GNAS: variants seen among roughly 807,000 people sequenced by gnomAD.
The protein encoded by GNAS is protein ALEX.
In GNAS, 8 loss-of-function variants were observed where a neutral mutation model predicts 54.5. That is an observed-to-expected ratio of 0.15 (90% CI 0.09 to 0.26). The LOEUF is 0.26. GNAS is among the 10% of genes least tolerant of loss of function. The probability of loss-of-function intolerance (pLI) is 1.00; values close to 1 mark genes in which losing one functional copy is unlikely to be tolerated. For synonymous variants in GNAS, 204 were observed against 191.4 expected (o/e 1.07, Z -0.54); for missense variants, 170 against 529.8 (o/e 0.32, Z 6.67).
In GNAS at chr20:58,891,611, C is replaced by G. The variant is rs1600971262; in HGVS notation, c.-116C>G. ...CCCCGCGCGCTCCTTGCCGAGGAGC[C>G]GAGCCCGCGCCCGGCCCGCCCGCCC... On this transcript the variant is annotated 5_prime_UTR_variant, in exon 1 of 13. Transcript: ENST00000371085. The G allele has an allele frequency of 2.1e-6, 2 of 971,016 alleles. No individual in the cohort carries two copies. Among genetic ancestry groups the G allele is most frequent in the Non-Finnish European group, 2.4e-6 (2 of 822,554 alleles). 60.2% of individuals were successfully genotyped at this position (971,016 alleles called of 1,614,324 possible).
intron 1 of GNAS, chr20:58,854,583 G>A: frequency 6.4e-7 from 1 of 1,557,088 alleles, no homozygotes; most frequent in Non-Finnish European, 8.6e-7. Context: ...CGCCCCAGCC[G>A]ATCCCGACTC....
chr20:58,907,335 GC>G (rs1244315648), intron 6 of GNAS, among the ~76,000 whole-genome samples: 1 of 152,074 alleles, frequency 6.6e-6, no homozygotes, highest in Non-Finnish European at 1.5e-5. Flanking sequence ...GGTCCCTATG[GC>G]CCCCAGCCCC....
intron 2 of GNAS, 189 bp from the exon 3 acceptor site, chr20:58,898,752 C>CA: frequency 4.4e-6 from 3 of 678,072 alleles, no homozygotes; most frequent in Non-Finnish European, 8.1e-6. Context: ...CCATGGCCTG[C>CA]AGTCTCAGTG....
At chr20:58,884,803 C>T (rs564806671) in intron 1 of GNAS, 17 of 152,338 alleles carry the variant, frequency 1.1e-4, no homozygotes, top group Non-Finnish European at 2.1e-4. Flanking sequence ...CAATTAAGAG[C>T]TCCATTAAGT....
chr20:58,845,905 C>A (rs978876368), intron 1 of GNAS, among the ~76,000 whole-genome samples: 1 of 152,188 alleles, frequency 6.6e-6, no homozygotes, highest in African/African-American at 2.4e-5. Flanking sequence ...AATGGGGAGG[C>A]TGCCTTCCCA....
intron 1 of GNAS, among the ~76,000 whole-genome samples, chr20:58,851,677 C>T (rs932545624): frequency 2.0e-5 from 3 of 152,378 alleles, no homozygotes; most frequent in African/African-American, 4.8e-5. Flanking sequence ...GAGCTCACCG[C>T]AGCATGGTAG....
chr20:58,898,615 G>A, intron 2 of GNAS: 1 of 443,770 alleles, frequency 2.3e-6, no homozygotes, highest in East Asian at 3.8e-5. Context: ...ATAAATCACT[G>A]CTTTAGCTCC....
intron 1 of GNAS, chr20:58,854,496 C>T: frequency 6.3e-7 from 1 of 1,578,862 alleles, no homozygotes; most frequent in Admixed American, 1.8e-5. Flanking sequence ...CCCAGAAGAT[C>T]CCGACTCCGG....
chr20:58,895,161 C>T (rs921025638), intron 1 of GNAS: 18 of 255,674 alleles, frequency 7.0e-5, no homozygotes, highest in Non-Finnish European at 1.2e-4. Flanking sequence ...GTTGGGAATC[C>T]CGGGTATTTT....
intron 1 of GNAS, chr20:58,842,353 T>A (rs2085771938): frequency 2.5e-6 from 1 of 397,966 alleles, no homozygotes. Flanking sequence ...GGAGGAATAG[T>A]AAAGCGTTTT....
rs74897360 is a variant in GNAS, at chr20:58,855,063, C to T, written c.43+14177C>T. 7.4e-6 allele frequency: 12 copies of T among 1,613,052 alleles called. No individual in the cohort carries two copies. The highest frequency in any genetic ancestry group is 5.3e-5 in the African/African-American group (4 of 74,954). On this transcript the variant is annotated intron_variant, in intron 1 of 12. Transcript: ENST00000306090. ...GTTTCAGCATCGGCGAAATCGCCGC[C>T]GCCGAAAGCCCCAGCGCAACTTACT... is the stretch of plus-strand genomic sequence containing the variant.
rs111984284 is a variant in GNAS at position 58,902,589 on chromosome 20, C to A, written c.258-942C>A. Among the ~76,000 whole-genome samples, 914 of 152,136 alleles carry A rather than the reference C, an allele frequency of 6.0e-3. 17 individuals are homozygous for A. The highest frequency in any genetic ancestry group is 0.021 in the African/African-American group (872 of 41,498). Reference sequence around the variant, plus strand: ...TTACCAGAGGGATCTGACCTCCCCTCCCCCTTAGATTATAAGGCCTTCTAG... The same window carrying A: ...TTACCAGAGGGATCTGACCTCCCCTACCCCTTAGATTATAAGGCCTTCTAG... On this transcript the variant is annotated intron_variant, in intron 3 of 12. Coordinates refer to ENST00000371085, the MANE Select transcript of GNAS (RefSeq NM_000516.7).
chr20:58,909,011 A>G lies in GNAS; in HGVS notation c.531-151A>G. 1 of 772,198 alleles carries G rather than the reference A, an allele frequency of 1.3e-6. No individual in the cohort carries two copies. Among genetic ancestry groups the G allele is most frequent in the Non-Finnish European group, 2.4e-6 (1 of 421,226 alleles). 47.8% of individuals were successfully genotyped at this position (772,198 alleles called of 1,614,324 possible). On this transcript the variant is annotated intron_variant, in intron 6 of 12. Transcript: ENST00000371085. The surrounding 1 kb of genome is among the most constrained non-coding windows in gnomAD (Gnocchi z 7.3). ...GCATCAGCTTTGAGTTACAAATGTA[A>G]CCAACACACAAGCAAATGTGCCATT...
chr20:58,910,306 C>G lies in GNAS; in HGVS notation c.971-28C>G, dbSNP rs200024794. 2 of 1,547,714 alleles carry G rather than the reference C, an allele frequency of 1.3e-6. No individual in the cohort carries two copies. Among genetic ancestry groups the G allele is most frequent in the Non-Finnish European group, 1.8e-6 (2 of 1,119,464 alleles). On this transcript the variant is annotated intron_variant, in intron 11 of 12. Coordinates refer to ENST00000371085, the MANE Select transcript of GNAS (RefSeq NM_000516.7). This position sits in a 1 kb window ranked among gnomAD's most constrained non-coding sequence, Gnocchi z 5.8. Reference sequence around the variant, plus strand: ...CCAGCTCTGCTTGAATTTTAAATTACATTAATATGTATTCCCTTTTTATAT... The same window carrying G: ...CCAGCTCTGCTTGAATTTTAAATTAGATTAATATGTATTCCCTTTTTATAT...
intron 1 of GNAS, among the ~76,000 whole-genome samples, chr20:58,872,267 A>G (rs1488823400): frequency 1.3e-5 from 2 of 152,196 alleles, no homozygotes; most frequent in Non-Finnish European, 2.9e-5. Context: ...ATGGAGCACA[A>G]GTGTTTTCAC....
intron 1 of GNAS, chr20:58,854,382 G>C: frequency 2.5e-6 from 4 of 1,569,344 alleles, no homozygotes; most frequent in Non-Finnish European, 3.5e-6. Context: ...GGGAGGAAAA[G>C]TACCCTCTCC....
At position 58,854,152 on chromosome 20, in the gene GNAS, C is replaced by T. The variant is rs1568925561; in HGVS notation, c.43+13266C>T. ...GCTGTCAGACCTCCTTCTAACTTCA[C>T]GGGCAGCAGCCCCTGGATGGAGATC... On this transcript the variant is annotated intron_variant, in intron 1 of 12. Transcript: ENST00000306090. 3 of 1,612,594 alleles carry T rather than the reference C, an allele frequency of 1.9e-6. No individual in the cohort carries two copies. The South Asian group carries it at 3.3e-5, about 18-fold the overall frequency.
At chr20:58,903,325 G>C (rs995458097) in intron 3 of GNAS, 3 of 659,602 alleles carry the variant, frequency 4.5e-6, no homozygotes, top group Non-Finnish European at 5.5e-6. Context: ...AATCTGCCCC[G>C]ATTGGGCGTG....
At position 58,910,986 on chromosome 20, in the gene GNAS, C is replaced by A; in HGVS notation, c.*157C>A. The A allele has an allele frequency of 1.3e-6, 1 of 769,768 alleles. No homozygotes were observed. The highest frequency in any genetic ancestry group is 2.2e-6 in the Non-Finnish European group (1 of 448,738). The allele number at this position is 769,768 out of a possible 1,614,324, so 47.7% of individuals were successfully genotyped here. A position where few individuals can be genotyped will look rare whatever the true frequency, so the allele number is the denominator to read the frequency against. On this transcript the variant is annotated 3_prime_UTR_variant, in exon 13 of 13. Coordinates refer to ENST00000371085, the MANE Select transcript of GNAS (RefSeq NM_000516.7). This position sits in a 1 kb window ranked among gnomAD's most constrained non-coding sequence, Gnocchi z 5.8. ...TTGCGAAACCCCCTTTTCCCTTCAG[C>A]TTGCTTAGATGTTCCAAATTTAGAA...
Sources: allele counts gnomAD v4.1 joint callset (sites outside exome capture counted in the v4.1 genomes callset), GRCh38; gene constraint gnomAD v4.1.1; non-coding constraint Gnocchi (gnomAD v3.1); transcripts MANE v1.5; gene names NCBI Gene and HGNC (gene_info 2026-07-23, HGNC 2026-07-21).